MBD5: variants seen among roughly 807,000 people sequenced by gnomAD.
The protein encoded by MBD5 is methyl-CpG binding domain protein 5, also known as methyl-CpG-binding domain protein 5.
MBD5 carries 13 observed loss-of-function variants against 117.3 expected under a neutral mutation model. The observed-to-expected ratio is 0.11, with a 90% CI of 0.07 to 0.18. The LOEUF is 0.18. Among genes scored for constraint, MBD5 ranks in the 10% least tolerant of loss-of-function variants. The pLI, the probability that MBD5 is intolerant of heterozygous loss-of-function variation, is 1.00. For missense variants in MBD5, 1,879 were observed against 2,093.8 expected (o/e 0.90, Z 2.00); for synonymous variants, 727 against 766.4 (o/e 0.95, Z 0.85).
At chr2:148,280,750 G>A (rs1401231949) in intron 3 of MBD5, among the ~76,000 whole-genome samples, 1 of 152,094 alleles carries the variant, frequency 6.6e-6, no homozygotes, top group Non-Finnish European at 1.5e-5. Flanking sequence ...TTCTTGCTGT[G>A]AAAAGTAGTT....
intron 4 of MBD5, among the ~76,000 whole-genome samples, chr2:148,432,666 C>A (rs1706026907): frequency 6.6e-6 from 1 of 152,080 alleles, no homozygotes; most frequent in African/African-American, 2.4e-5. Flanking sequence ...TGTTGGAGAT[C>A]AGATGGTTGT....
rs113823869 is a variant in MBD5 at position 148,436,492 on chromosome 2, C to G, written c.-556-21711C>G. Among the ~76,000 whole-genome samples the G allele has an allele frequency of 5.5e-3, 838 of 152,194 alleles. 7 individuals carry two copies. The highest frequency in any genetic ancestry group is 0.02 in the African/African-American group (811 of 41,512). Reference sequence around the variant, plus strand: ...GGTTCAAGTGATTTTCTTGCCTCAGCCTCGCAAGTAGCTGGGACTACAGGC... The same window carrying G: ...GGTTCAAGTGATTTTCTTGCCTCAGGCTCGCAAGTAGCTGGGACTACAGGC... On this transcript the variant is annotated intron_variant, in intron 4 of 13. Coordinates refer to ENST00000642680, the MANE Select transcript of MBD5 (RefSeq NM_001378120.1).
At chr2:148,070,126 T>G (rs1695311177) in intron 1 of MBD5, among the ~76,000 whole-genome samples, 1 of 152,182 alleles carries the variant, frequency 6.6e-6, no homozygotes, top group South Asian at 2.1e-4. Flanking sequence ...ACTTAGCCTC[T>G]GGTTACTATC....
chr2:148,249,435 G>A (rs1700414904), intron 3 of MBD5, among the ~76,000 whole-genome samples: 1 of 152,028 alleles, frequency 6.6e-6, no homozygotes, highest in Non-Finnish European at 1.5e-5. Flanking sequence ...ATAATTAAAA[G>A]GAAAATTTAA....
intron 3 of MBD5, among the ~76,000 whole-genome samples, chr2:148,324,567 T>A (rs1702389904): frequency 6.6e-6 from 1 of 152,166 alleles, no homozygotes; most frequent in African/African-American, 2.4e-5. Flanking sequence ...GTAAGTTGGA[T>A]TCCTAGGTAT....
intron 3 of MBD5, among the ~76,000 whole-genome samples, chr2:148,281,315 A>G (rs916855412): frequency 2.0e-5 from 3 of 152,026 alleles, no homozygotes; most frequent in Non-Finnish European, 4.4e-5. Context: ...CCTGTTTTCC[A>G]GTTTACTAGG....
intron 3 of MBD5, among the ~76,000 whole-genome samples, chr2:148,281,279 A>G (rs1347846399): frequency 1.3e-5 from 2 of 152,136 alleles, no homozygotes; most frequent in African/African-American, 4.8e-5. Context: ...GTATCTCTGT[A>G]TCACATTCTC....
chr2:148,228,259 G>A (rs1249384347), intron 2 of MBD5, among the ~76,000 whole-genome samples: 5 of 152,084 alleles, frequency 3.3e-5, no homozygotes, highest in Admixed American at 6.5e-5. Context: ...GTCATAGATG[G>A]CTCTTATTAT....
chr2:148,477,286 G>A (rs780985514), intron 8 of MBD5, among the ~76,000 whole-genome samples: 8 of 152,066 alleles, frequency 5.3e-5, no homozygotes, highest in Admixed American at 2.0e-4. Context: ...TGGCCCTGTT[G>A]AGTGTGGAGA....
At chr2:148,429,127 A>C (rs932640964) in intron 4 of MBD5, among the ~76,000 whole-genome samples, 1 of 152,118 alleles carries the variant, frequency 6.6e-6, no homozygotes, top group African/African-American at 2.4e-5. Context: ...AGCATCTACA[A>C]AGAAGTTAAA....
intron 1 of MBD5, among the ~76,000 whole-genome samples, chr2:148,163,863 TAAA>T (rs950310676): frequency 6.6e-6 from 1 of 152,200 alleles, no homozygotes; most frequent in African/African-American, 2.4e-5. Flanking sequence ...AAAACTGAGA[TAAA>T]AAGTGGTTGA....
intron 3 of MBD5, among the ~76,000 whole-genome samples, chr2:148,275,822 A>C (rs948735794): frequency 5.9e-5 from 9 of 151,940 alleles, no homozygotes; most frequent in Non-Finnish European, 1.2e-4. Context: ...TTCTAGGAGA[A>C]TTTGTCAAAA....
At chr2:148,179,348 C>CT (rs2105843811) in intron 2 of MBD5, among the ~76,000 whole-genome samples, 1 of 145,394 alleles carries the variant, frequency 6.9e-6, no homozygotes, top group South Asian at 2.1e-4. Context: ...GAGCGAGACT[C>CT]TGTCTCAAAA....
chr2:148,359,592 GC>G (rs1435896761), intron 4 of MBD5, among the ~76,000 whole-genome samples: 5 of 152,034 alleles, frequency 3.3e-5, no homozygotes, highest in Non-Finnish European at 7.4e-5. Flanking sequence ...GCAGTCTTAA[GC>G]AGCTCCTTTG....
At chr2:148,490,827 G>A (rs767147169) in intron 11 of MBD5, 1 of 550,710 alleles carries the variant, frequency 1.8e-6, no homozygotes, top group Non-Finnish European at 3.2e-6. Context: ...TAGGGCTCAG[G>A]GTGGCTGTAA....
chr2:148,427,580 A>G (rs1220194259), intron 4 of MBD5, among the ~76,000 whole-genome samples: 2 of 151,864 alleles, frequency 1.3e-5, no homozygotes, highest in African/African-American at 2.4e-5. Flanking sequence ...ATAGGTGGGA[A>G]TTGAACAATG....
chr2:148,164,606 A>T (rs1698084313), intron 1 of MBD5, among the ~76,000 whole-genome samples: 1 of 152,124 alleles, frequency 6.6e-6, no homozygotes, highest in Non-Finnish European at 1.5e-5. Context: ...TTTTGTTTTC[A>T]TGTTTTTTTC....
chr2:148,348,658 T>G (rs1703179922), intron 4 of MBD5, among the ~76,000 whole-genome samples: 1 of 151,990 alleles, frequency 6.6e-6, no homozygotes, highest in Non-Finnish European at 1.5e-5. Flanking sequence ...AGAATTTCAG[T>G]GTAAGTAGAT....
chr2:148,198,760 T>G (rs1386437877), intron 2 of MBD5, among the ~76,000 whole-genome samples: 1 of 152,012 alleles, frequency 6.6e-6, no homozygotes, highest in African/African-American at 2.4e-5. Flanking sequence ...ATTAAAATAT[T>G]CTTCTATAAA....
Sources: gnomAD v4.1 joint callset for allele counts (sites outside exome capture counted in the v4.1 genomes callset) on GRCh38, gnomAD v4.1.1 for gene constraint, MANE v1.5 for transcripts, NCBI Gene and HGNC (gene_info 2026-07-23, HGNC 2026-07-21) for gene names.